Variants in RPS6KA6 observed in about 807,000 individuals in gnomAD.
The protein encoded by RPS6KA6 is ribosomal protein S6 kinase alpha-6.
A neutral mutation model predicts 65.4 loss-of-function variants in RPS6KA6; 27 were observed. The ratio of observed to expected loss-of-function variants is 0.41; its 90% CI spans 0.30 to 0.57. RPS6KA6 has a LOEUF of 0.57. Among genes scored for constraint, RPS6KA6 ranks in the 20% least tolerant of loss-of-function variants. The pLI, the probability that RPS6KA6 is intolerant of heterozygous loss-of-function variation, is 0.24. For missense variants in RPS6KA6, 486 were observed against 555.6 expected, an observed-to-expected ratio of 0.87 and a Z score of 1.26; for synonymous variants, 190 against 184.2, an observed-to-expected ratio of 1.03 and a Z score of -0.26.
intron 20 of RPS6KA6, among the ~76,000 whole-genome samples, chrX:84,066,842 A>G (rs2033416034): frequency 9.0e-6 from 1 of 111,718 alleles, no homozygotes. Flanking sequence ...AGACCTCCCA[A>G]CAGGGGTCAA....
At chrX:84,170,009 A>G (rs2035655346) in intron 1 of RPS6KA6, among the ~76,000 whole-genome samples, 1 of 108,933 alleles carries the variant, frequency 9.2e-6, no homozygotes, top group South Asian at 4.1e-4. Context: ...GTCTCTACTA[A>G]AAATATAAAA....
intron 8 of RPS6KA6, among the ~76,000 whole-genome samples, chrX:84,121,375 C>T (rs2034668635): frequency 1.8e-5 from 2 of 112,160 alleles, no homozygotes; most frequent in Admixed American, 1.9e-4. Context: ...AAGCAAACTT[C>T]GGGTCTTTTT....
intron 20 of RPS6KA6, among the ~76,000 whole-genome samples, chrX:84,066,626 TA>T (rs1301319289): frequency 2.7e-5 from 3 of 110,758 alleles, no homozygotes; most frequent in Non-Finnish European, 5.7e-5. Context: ...GGCTTATAGA[TA>T]AAACCCCATT....
At chrX:84,070,763 T>G (rs1357768297) in intron 20 of RPS6KA6, among the ~76,000 whole-genome samples, 4 of 110,015 alleles carry the variant, frequency 3.6e-5, no homozygotes, top group Non-Finnish European at 7.6e-5. Context: ...AAATGGACAA[T>G]TAATACTAAA....
At chrX:84,126,908 T>G (rs1278261492) in intron 8 of RPS6KA6, among the ~76,000 whole-genome samples, 2 of 111,412 alleles carry the variant, frequency 1.8e-5, no homozygotes, top group Non-Finnish European at 3.8e-5. Flanking sequence ...CAAATAACTT[T>G]ATGATGTATC....
rs1159370165 is a variant in RPS6KA6 at position 84,151,149 on chromosome X, A to C, written c.259-3026T>G. 4.0e-5 allele frequency among the ~76,000 whole-genome samples: 4 copies of C among 100,112 alleles called. No homozygotes were observed. In the East Asian group the frequency reaches 1.2e-3, roughly 30 times the overall value. 86.9% of individuals were successfully genotyped at this position (100,112 alleles called of 115,157 possible). A position where few individuals can be genotyped will look rare whatever the true frequency, so the allele number is the denominator to read the frequency against. ...ATATATAGATATATAGGATATATAGATATATATAGGATATATAGATATATA... is the reference window on the plus strand; with the variant it reads ...ATATATAGATATATAGGATATATAGCTATATATAGGATATATAGATATATA... On this transcript the variant is annotated intron_variant, in intron 3 of 21. Coordinates refer to ENST00000262752, the MANE Select transcript of RPS6KA6 (RefSeq NM_014496.5).
intron 20 of RPS6KA6, among the ~76,000 whole-genome samples, chrX:84,087,690 T>C (rs6622909): frequency 0.062 from 6,861 of 111,512 alleles, 231 homozygotes; most frequent in East Asian, 0.2. Flanking sequence ...TTCTTGAATT[T>C]GAATGTTGGT....
chrX:84,159,689 A>G (rs2035480068), intron 2 of RPS6KA6, among the ~76,000 whole-genome samples: 1 of 111,090 alleles, frequency 9.0e-6, no homozygotes, highest in Non-Finnish European at 1.9e-5. Flanking sequence ...GGGCTAAATT[A>G]TGTCCCCTAA....
chrX:84,088,850 C>T (rs753511352), intron 20 of RPS6KA6, among the ~76,000 whole-genome samples: 52 of 112,156 alleles, frequency 4.6e-4, no homozygotes, highest in Non-Finnish European at 7.9e-4. Flanking sequence ...AGGGAGGCCC[C>T]GCCCAGTGAA....
At chrX:84,154,386 A>AATAC (rs2035379379) in intron 3 of RPS6KA6, among the ~76,000 whole-genome samples, 1 of 111,486 alleles carries the variant, frequency 9.0e-6, no homozygotes, top group Non-Finnish European at 1.9e-5. Context: ...TATATGAGTA[A>AATAC]ATACATACAT....
chrX:84,143,446 C>A (rs2035142615), intron 6 of RPS6KA6, among the ~76,000 whole-genome samples: 1 of 110,739 alleles, frequency 9.0e-6, no homozygotes, highest in Non-Finnish European at 1.9e-5. Flanking sequence ...ATTCTATTTA[C>A]AATAACATTA....
intron 4 of RPS6KA6, among the ~76,000 whole-genome samples, chrX:84,147,402 G>T (rs962493848): frequency 9.0e-6 from 1 of 111,162 alleles, no homozygotes; most frequent in Non-Finnish European, 1.9e-5. Flanking sequence ...CACCTCCCAG[G>T]CTCAAACAAT....
chrX:84,083,868 G>A (rs1029485576), intron 20 of RPS6KA6, among the ~76,000 whole-genome samples: 21 of 112,024 alleles, frequency 1.9e-4, no homozygotes, highest in African/African-American at 6.8e-4. Context: ...TTTATGCACA[G>A]CCTTGCCAGC....
rs1195594751 is a variant in RPS6KA6 at position 84,063,500 on chromosome X, T to C, written c.*777A>G. The C allele has an allele frequency of 9.0e-6, 1 of 111,232 alleles. No individual in the cohort carries two copies. Among genetic ancestry groups the C allele is most frequent in the East Asian group, 2.8e-4 (1 of 3,570 alleles). 9.2% of individuals were successfully genotyped at this position (111,232 alleles called of 1,213,427 possible). Reference sequence around the variant, plus strand: ...GCTTAACTATGACCTATTTATAAGATTACACCAACAGTATAAAGCCTTTGG... The same window carrying C: ...GCTTAACTATGACCTATTTATAAGACTACACCAACAGTATAAAGCCTTTGG... On this transcript the variant is annotated 3_prime_UTR_variant, in exon 22 of 22. Transcript: ENST00000262752.
chrX:84,069,323 C>T (rs1265960253), intron 20 of RPS6KA6, among the ~76,000 whole-genome samples: 3 of 111,863 alleles, frequency 2.7e-5, no homozygotes, highest in Non-Finnish European at 5.6e-5. Flanking sequence ...AAAGGATCCC[C>T]TATTTAATAA....
chrX:84,130,015 T>C (rs991625666), intron 8 of RPS6KA6, among the ~76,000 whole-genome samples: 6 of 111,646 alleles, frequency 5.4e-5, no homozygotes, highest in Admixed American at 2.9e-4. Flanking sequence ...GTTTGTAATA[T>C]AAAGGATAAA....
intron 6 of RPS6KA6, among the ~76,000 whole-genome samples, chrX:84,144,695 G>A (rs1417736322): frequency 9.0e-6 from 1 of 110,530 alleles, no homozygotes; most frequent in East Asian, 2.8e-4. Flanking sequence ...CATGAGAAAC[G>A]AAAACATATG....
chrX:84,156,028 C>T lies in RPS6KA6; in HGVS notation c.258+47G>A, dbSNP rs1341124926. On this transcript the variant is annotated intron_variant, in intron 3 of 21. Coordinates refer to ENST00000262752, the MANE Select transcript of RPS6KA6 (RefSeq NM_014496.5). ...TCTACGTATGTGTTCACTTTTTTTG[C>T]TAAATGTTTAGAAGAGGAACAAATG... The T allele has an allele frequency of 5.5e-6, 4 of 733,124 alleles. No homozygotes were observed. The Admixed American group carries it at 7.3e-5, about 13-fold the overall frequency. The allele number at this position is 733,124 out of a possible 1,213,427, so 60.4% of individuals were successfully genotyped here.
At chrX:84,145,579 G>T in intron 5 of RPS6KA6, 22 bp from the exon 6 acceptor site, 2 of 898,024 alleles carry the variant, frequency 2.2e-6, no homozygotes, top group Non-Finnish European at 3.1e-6. Context: ...TTAGAATATA[G>T]TAACAGGATA....
Sources: allele counts gnomAD v4.1 joint callset (sites outside exome capture counted in the v4.1 genomes callset), GRCh38; gene constraint gnomAD v4.1.1; transcripts MANE v1.5; gene names NCBI Gene and HGNC (gene_info 2026-07-23, HGNC 2026-07-21).